Variants in CDADC1 observed in about 807,000 individuals in gnomAD.
CDADC1 encodes the protein dCTP deaminase.
CDADC1 carries 39 observed loss-of-function variants against 54.9 expected under a neutral mutation model. The ratio of observed to expected loss-of-function variants is 0.71; its 90% CI spans 0.55 to 0.93. The LOEUF (loss-of-function observed/expected upper bound fraction) is 0.93. Ranked by LOEUF, CDADC1 falls within the 40% of genes least tolerant of loss-of-function variation. CDADC1 has a pLI of 0.00. For synonymous variants in CDADC1, 186 were observed against 204.0 expected, an observed-to-expected ratio of 0.91 and a Z score of 0.75; for missense variants, 518 against 618.8, an observed-to-expected ratio of 0.84 and a Z score of 1.73.
Position 49,247,988 on chromosome 13 carries a change from A to T in CDADC1, c.-50A>T, listed in dbSNP as rs1430997406. ...AGGCGGGGGCGCTAGGGCCGAGATC[A>T]TGTCTGACTGGGAGAGGTTTCCTTG... On this transcript the variant is annotated 5_prime_UTR_variant, in exon 1 of 10. It removes an upstream start codon present in the reference 5' UTR. Coordinates refer to ENST00000251108, the MANE Select transcript of CDADC1 (RefSeq NM_030911.4). The T allele has an allele frequency of 2.0e-6, 3 of 1,510,664 alleles. No individual in the cohort carries two copies. The highest frequency in any genetic ancestry group is 2.0e-5 in the Admixed American group (1 of 50,924). 93.6% of individuals were successfully genotyped at this position (1,510,664 alleles called of 1,614,324 possible). A position where few individuals can be genotyped will look rare whatever the true frequency, so the allele number is the denominator to read the frequency against.
intron 9 of CDADC1, 138 bp from the exon 10 acceptor site, chr13:49,291,546 T>G: frequency 1.4e-6 from 1 of 735,708 alleles, no homozygotes; most frequent in Non-Finnish European, 2.2e-6. Flanking sequence ...TTCTCTACAA[T>G]TGAGAATTTG....
chr13:49,254,916 A>G (rs746316732), intron 2 of CDADC1, among the ~76,000 whole-genome samples: 2 of 152,188 alleles, frequency 1.3e-5, no homozygotes, highest in Non-Finnish European at 2.9e-5. Flanking sequence ...TTCTACTTCA[A>G]GTTTTCACTT....
At chr13:49,281,610 T>C (rs939691791) in intron 8 of CDADC1, among the ~76,000 whole-genome samples, 9 of 152,186 alleles carry the variant, frequency 5.9e-5, no homozygotes, top group African/African-American at 2.2e-4. Context: ...TCGCCTGCAC[T>C]CACTTGCTGC....
At chr13:49,282,236 G>GTTTTTTTTTTTT (rs759792512) in intron 8 of CDADC1, among the ~76,000 whole-genome samples, 10 of 94,142 alleles carry the variant, frequency 1.1e-4, no homozygotes, top group African/African-American at 2.1e-4. Context: ...GTTTTTGTGG[G>GTTTTTTTTTTTT]TTTTTTTTTT....
At chr13:49,265,688 T>C (rs1952799537) in intron 4 of CDADC1, among the ~76,000 whole-genome samples, 1 of 152,170 alleles carries the variant, frequency 6.6e-6, no homozygotes, top group Non-Finnish European at 1.5e-5. Context: ...ATTTTAAATT[T>C]TGTTTTAATT....
intron 8 of CDADC1, among the ~76,000 whole-genome samples, chr13:49,284,394 A>G (rs1413756780): frequency 6.6e-6 from 1 of 152,194 alleles, no homozygotes; most frequent in Non-Finnish European, 1.5e-5. Context: ...ATTTAACACA[A>G]TATTCCAACC....
intron 6 of CDADC1, among the ~76,000 whole-genome samples, chr13:49,274,597 G>A (rs1174131919): frequency 6.6e-6 from 1 of 152,078 alleles, no homozygotes; most frequent in Non-Finnish European, 1.5e-5. Context: ...TGTGAACCCG[G>A]GAGGCCGAGC....
At chr13:49,283,756 C>CTG (rs1252958028) in intron 8 of CDADC1, among the ~76,000 whole-genome samples, 1 of 152,196 alleles carries the variant, frequency 6.6e-6, no homozygotes, top group Non-Finnish European at 1.5e-5. Context: ...GAAATACCCT[C>CTG]ACTCAGGCAC....
intron 3 of CDADC1, 126 bp from the exon 4 acceptor site, chr13:49,259,220 T>A: frequency 1.4e-6 from 1 of 701,966 alleles, no homozygotes; most frequent in Non-Finnish European, 2.1e-6. Flanking sequence ...AAATGTGCTT[T>A]GTACAAACTC....
chr13:49,267,511 A>G lies in CDADC1; in HGVS notation c.452A>G (p.Tyr151Cys). 6.2e-7 allele frequency: 1 copy of G among 1,611,888 alleles called. No homozygotes were observed. Among genetic ancestry groups the G allele is most frequent in the Admixed American group, 1.7e-5 (1 of 59,658 alleles). Residue 151 changes from tyrosine to cysteine, a missense_variant, in exon 5 of 10, where the codon TAC (tyrosine) becomes TGC (cysteine). Transcript: ENST00000251108. ...IVNAGVNRIS[Y>C]WPADPEISLL... ...TCAGCTGGAGTTAACCGAATTTCAT[A>G]CTGGCCTGCTGATCCAGAAATAAGT... is the stretch of plus-strand genomic sequence containing the variant.
chr13:49,278,591 T>C, intron 7 of CDADC1, 72 bp downstream of exon 7: 5 of 1,075,848 alleles, frequency 4.6e-6, no homozygotes, highest in Non-Finnish European at 5.2e-6. Context: ...TTTCTTATAA[T>C]TGTAATTTAT....
In CDADC1 at chr13:49,286,272, A is replaced by G; in HGVS notation, c.1461A>G (p.Glu487=). 1 of 1,612,342 alleles carries G rather than the reference A, an allele frequency of 6.2e-7. No individual in the cohort carries two copies. Among genetic ancestry groups the G allele is most frequent in the South Asian group, 1.1e-5 (1 of 91,032 alleles). ...ATGGTCTTGAACAAAATGAGCCTGA[A>G]AGGAGAGAAAGTAAGTATTTATGTA... ...GAYGLEQNEP[E]RRENGVLRPV... is the part of the protein sequence containing the mutation. Residue 487 remains glutamate (E), a synonymous_variant, in exon 9 of 10, where the codon GAA becomes GAG. Transcript: ENST00000251108.
Position 49,292,768 on chromosome 13 carries a change from T to G in CDADC1, c.*1011T>G. 4.7e-6 allele frequency: 6 copies of G among 1,278,696 alleles called. No homozygotes were observed. The highest frequency in any genetic ancestry group is 6.1e-6 in the Non-Finnish European group (6 of 984,688). 79.2% of individuals were successfully genotyped at this position (1,278,696 alleles called of 1,614,324 possible). On this transcript the variant is annotated 3_prime_UTR_variant, in exon 10 of 10. Coordinates refer to ENST00000251108, the MANE Select transcript of CDADC1 (RefSeq NM_030911.4). The stretch of plus-strand genomic sequence containing the variant: ...CCAAAAATGAAGGTACATTTTCTGT[T>G]CTCTCCTAGGTTAGAGAGGGGTGGC...
chr13:49,259,934 A>G (rs2138204834), intron 4 of CDADC1, among the ~76,000 whole-genome samples: 1 of 152,150 alleles, frequency 6.6e-6, no homozygotes. Flanking sequence ...TAATTTAGAA[A>G]TATATATCTG....
At chr13:49,270,672 G>A (rs1373705161) in intron 5 of CDADC1, among the ~76,000 whole-genome samples, 1 of 152,190 alleles carries the variant, frequency 6.6e-6, no homozygotes, top group Non-Finnish European at 1.5e-5. Context: ...AACTCAATTT[G>A]GGTCAGATTT....
intron 4 of CDADC1, among the ~76,000 whole-genome samples, chr13:49,264,373 T>C (rs1388676450): frequency 6.6e-6 from 1 of 152,144 alleles, no homozygotes; most frequent in Non-Finnish European, 1.5e-5. Context: ...GTAAATCTTC[T>C]GCAGAGCTTT....
intron 6 of CDADC1, among the ~76,000 whole-genome samples, chr13:49,274,920 A>T (rs952758198): frequency 1.3e-5 from 2 of 152,166 alleles, no homozygotes; most frequent in Non-Finnish European, 2.9e-5. Flanking sequence ...TATAACTGAT[A>T]TCATGAGAAC....
intron 9 of CDADC1, among the ~76,000 whole-genome samples, chr13:49,287,993 T>C (rs977268633): frequency 1.3e-5 from 2 of 148,898 alleles, no homozygotes; most frequent in Non-Finnish European, 3.0e-5. Context: ...AAAAAAAAGA[T>C]ATCACTACAA....
rs138682308 is a variant in CDADC1 at position 49,280,509 on chromosome 13, G to A, written c.1221G>A (p.Arg407=). The A allele has an allele frequency of 5.1e-6, 7 of 1,383,180 alleles. No homozygotes were observed. The African/African-American group carries it at 7.4e-5, about 15-fold the overall frequency. 85.7% of individuals were successfully genotyped at this position (1,383,180 alleles called of 1,614,324 possible). A position where few individuals can be genotyped will look rare whatever the true frequency, so the allele number is the denominator to read the frequency against. ...TGATATTTTATAATTTTTTTTGTAG[G>A]TGTCAAGAAATAAAACCAGAAGAAA... ...IHAEQNALTF[R]CQEIKPEERS... is the part of the protein sequence containing the mutation. Residue 407 remains arginine, a splice_region_variant and synonymous_variant, in exon 8 of 10, where the codon AGG becomes AGA. Transcript: ENST00000251108.
Sources: allele counts gnomAD v4.1 joint callset (sites outside exome capture counted in the v4.1 genomes callset), GRCh38; gene constraint gnomAD v4.1.1; transcripts MANE v1.5; gene names NCBI Gene and HGNC (gene_info 2026-07-23, HGNC 2026-07-21).